Variants in DCDC2 observed in about 807,000 individuals in gnomAD.
The protein encoded by DCDC2 is doublecortin domain containing 2, also known as doublecortin domain-containing protein 2.
In DCDC2, 40 loss-of-function variants were observed where a neutral mutation model predicts 50.2. That is an observed-to-expected ratio of 0.80 (90% CI 0.62 to 1.04). The LOEUF is 1.04. DCDC2 is among the 50% of genes least tolerant of loss of function. The pLI is 0.00. For missense variants in DCDC2, 570 were observed against 581.9 expected (o/e 0.98, Z 0.21); for synonymous variants, 234 against 210.6 (o/e 1.11, Z -0.96).
In DCDC2 at chr6:24,282,096, A is replaced by G. The variant is rs1206823411; in HGVS notation, c.760-3885T>C. Among the ~76,000 whole-genome samples, 3 of 152,284 alleles carry G rather than the reference A, an allele frequency of 2.0e-5. No individual in the cohort carries two copies. In the East Asian group the frequency reaches 5.8e-4, roughly 29 times the overall value. ...TGACAGGGTGTCCTATGCAAAAACT[A>G]GACCCCTTGAGATACTCCAACCACT... On this transcript the variant is annotated intron_variant, in intron 6 of 9. Transcript: ENST00000378454.
chr6:24,238,929 T>C (rs1462398347), intron 7 of DCDC2, among the ~76,000 whole-genome samples: 3 of 152,200 alleles, frequency 2.0e-5, no homozygotes, highest in Non-Finnish European at 4.4e-5. Context: ...CAAGCAACTC[T>C]GCCTACTATA....
chr6:24,369,586 G>C, the DCDC2 span, among the ~76,000 whole-genome samples: 1 of 151,914 alleles, frequency 6.6e-6, no homozygotes, highest in Non-Finnish European at 1.5e-5. Context: ...CTCAGCCTGG[G>C]TGACAGAGCG....
At chr6:24,375,417 AC>A in the DCDC2 span, among the ~76,000 whole-genome samples, 4 of 92,268 alleles carry the variant, frequency 4.3e-5, no homozygotes, top group Admixed American at 5.2e-4. Flanking sequence ...TTCTGTGTAA[AC>A]TCCCCCCCCC....
chr6:24,306,034 A>G (rs934344124), intron 2 of DCDC2, among the ~76,000 whole-genome samples: 1 of 152,126 alleles, frequency 6.6e-6, no homozygotes, highest in African/African-American at 2.4e-5. Context: ...GTCTCAAAAA[A>G]AAAAGAAAGG....
At chr6:24,262,282 G>A (rs1452291898) in intron 7 of DCDC2, among the ~76,000 whole-genome samples, 1 of 152,166 alleles carries the variant, frequency 6.6e-6, no homozygotes, top group Non-Finnish European at 1.5e-5. Flanking sequence ...CCCATGGAGG[G>A]AACATTTAGA....
intron 9 of DCDC2, among the ~76,000 whole-genome samples, chr6:24,176,632 A>G (rs1380987033): frequency 1.3e-5 from 2 of 152,170 alleles, no homozygotes; most frequent in East Asian, 1.9e-4. Context: ...GAACCCTTCA[A>G]ATCTGCTCTG....
intron 8 of DCDC2, among the ~76,000 whole-genome samples, chr6:24,184,350 T>C (rs1278780936): frequency 2.6e-5 from 4 of 152,004 alleles, no homozygotes; most frequent in African/African-American, 4.8e-5. Flanking sequence ...GGCAGGAGGA[T>C]TAACTGAGCT....
At chr6:24,302,329 G>A (rs549589187) in intron 2 of DCDC2, among the ~76,000 whole-genome samples, 34 of 149,356 alleles carry the variant, frequency 2.3e-4, no homozygotes, top group Non-Finnish European at 2.1e-4. Flanking sequence ...TTTCTGTTAC[G>A]AAAATATTAA....
intron 8 of DCDC2, among the ~76,000 whole-genome samples, chr6:24,199,858 G>A (rs949867868): frequency 6.6e-5 from 10 of 152,064 alleles, no homozygotes. Flanking sequence ...AAAGAACTTC[G>A]TGAAACATAC....
Position 24,357,974 on chromosome 6 carries a change from G to C in DCDC2, c.-224C>G. ...GGAGTAGACGCTCAAGTTTTTCACCGTGGCGTGCACAGCCAATCAGGACCC... is the reference window on the plus strand; with the variant it reads ...GGAGTAGACGCTCAAGTTTTTCACCCTGGCGTGCACAGCCAATCAGGACCC... On this transcript the variant is annotated 5_prime_UTR_variant, in exon 1 of 10. Coordinates refer to ENST00000378454, the MANE Select transcript of DCDC2 (RefSeq NM_016356.5). 1 of 1,467,220 alleles carries C rather than the reference G, an allele frequency of 6.8e-7. No homozygotes were observed. The highest frequency in any genetic ancestry group is 1.4e-5 in the South Asian group (1 of 69,992). The allele number at this position is 1,467,220 out of a possible 1,614,324, so 90.9% of individuals were successfully genotyped here. A position where few individuals can be genotyped will look rare whatever the true frequency, so the allele number is the denominator to read the frequency against.
chr6:24,355,034 A>AG (rs1760440379), intron 1 of DCDC2, among the ~76,000 whole-genome samples: 1 of 152,144 alleles, frequency 6.6e-6, no homozygotes, highest in South Asian at 2.1e-4. Context: ...TTCTTTACAT[A>AG]AACTTATAAG....
At chr6:24,232,566 A>G (rs529364721) in intron 7 of DCDC2, among the ~76,000 whole-genome samples, 2 of 152,360 alleles carry the variant, frequency 1.3e-5, no homozygotes, top group African/African-American at 4.8e-5. Context: ...ACAATTGAGA[A>G]CAGAATTGTT....
Position 24,343,075 on chromosome 6 carries a change from CAG to C in DCDC2, c.348+10492_348+10493del, listed in dbSNP as rs367809356. On this transcript the variant is annotated intron_variant, in intron 2 of 9. Coordinates refer to ENST00000378454, the MANE Select transcript of DCDC2 (RefSeq NM_016356.5). ...TCTTTTTTTTTTTTTTTTTTTGAGA[CAG>C]AGTCTCTTTCTGTCGCCCATACTGC... Among the ~76,000 whole-genome samples, 516 of 134,560 alleles carry C rather than the reference CAG, an allele frequency of 3.8e-3. 3 individuals carry two copies. Among genetic ancestry groups the C allele is most frequent in the African/African-American group, 0.012 (414 of 34,872 alleles). 88.3% of individuals were successfully genotyped at this position (134,560 alleles called of 152,430 possible).
chr6:24,281,674 G>A lies in DCDC2; in HGVS notation c.760-3463C>T, dbSNP rs9467100. Reference sequence around the variant, plus strand: ...TTAGAGAGGGGAAAGGACAAAGGGAGAGAGGGAGCTTTTTCTTTCTGTAAG... The same window carrying A: ...TTAGAGAGGGGAAAGGACAAAGGGAAAGAGGGAGCTTTTTCTTTCTGTAAG... On this transcript the variant is annotated intron_variant, in intron 6 of 9. Coordinates refer to ENST00000378454, the MANE Select transcript of DCDC2 (RefSeq NM_016356.5). Among the ~76,000 whole-genome samples the A allele has an allele frequency of 8.8e-3, 1,336 of 152,126 alleles. 25 individuals carry two copies. The highest frequency in any genetic ancestry group is 0.03 in the African/African-American group (1,251 of 41,506).
intron 2 of DCDC2, among the ~76,000 whole-genome samples, chr6:24,314,646 T>TA (rs1759629946): frequency 6.6e-6 from 1 of 152,104 alleles, no homozygotes; most frequent in South Asian, 2.1e-4. Context: ...CATAACTGTT[T>TA]AAAAAAATGA....
At chr6:24,342,398 G>A (rs1262565225) in intron 2 of DCDC2, among the ~76,000 whole-genome samples, 1 of 152,144 alleles carries the variant, frequency 6.6e-6, no homozygotes, top group African/African-American at 2.4e-5. Flanking sequence ...AGGAAATCAA[G>A]ACAGGAGGTG....
At chr6:24,243,283 C>A (rs1391088506) in intron 7 of DCDC2, among the ~76,000 whole-genome samples, 4 of 152,194 alleles carry the variant, frequency 2.6e-5, no homozygotes, top group Non-Finnish European at 4.4e-5. Flanking sequence ...CTGCAGATAA[C>A]AGAGTCTTAC....
At chr6:24,189,504 C>T (rs767075832) in intron 8 of DCDC2, among the ~76,000 whole-genome samples, 20 of 152,174 alleles carry the variant, frequency 1.3e-4, no homozygotes, top group South Asian at 2.1e-4. Context: ...AAATTAAAAA[C>T]GGGGAAAGCC....
intron 7 of DCDC2, among the ~76,000 whole-genome samples, chr6:24,205,687 A>C (rs192246249): frequency 6.6e-6 from 1 of 152,332 alleles, no homozygotes; most frequent in Admixed American, 6.5e-5. Context: ...TTAAATCCTT[A>C]ACTATCAAAT....
Sources: allele counts gnomAD v4.1 joint callset (sites outside exome capture counted in the v4.1 genomes callset), GRCh38; gene constraint gnomAD v4.1.1; transcripts MANE v1.5; gene names NCBI Gene and HGNC (gene_info 2026-07-23, HGNC 2026-07-21).